Variants in UCK1 observed in about 807,000 individuals in gnomAD.
The protein encoded by UCK1 is uridine-cytidine kinase 1.
UCK1 carries 20 observed loss-of-function variants against 34.0 expected under a neutral mutation model. The observed-to-expected ratio is 0.59, with a 90% confidence interval of 0.41 to 0.86. The LOEUF (loss-of-function observed/expected upper bound fraction) is 0.86. UCK1 is among the 40% of genes least tolerant of loss of function. UCK1 has a pLI of 0.00. For synonymous variants in UCK1, 168 were observed against 155.9 expected (o/e 1.08, Z -0.58); for missense variants, 343 against 383.6 (o/e 0.89, Z 0.88).
Position 131,531,086 on chromosome 9 carries a change from C to G in UCK1, c.89G>C (p.Gly30Ala). 7.0e-7 allele frequency: 1 copy of G among 1,429,222 alleles called. No homozygotes were observed. The highest frequency in any genetic ancestry group is 9.1e-7 in the Non-Finnish European group (1 of 1,093,788). The allele number at this position is 1,429,222 out of a possible 1,614,324, so 88.5% of individuals were successfully genotyped here. A position where few individuals can be genotyped will look rare whatever the true frequency, so the allele number is the denominator to read the frequency against. The change falls in exon 1 of 7, where the codon GGC (glycine) becomes GCC (alanine). Residue 30 changes from glycine to alanine, a missense_variant. Gly to Ala is a moderately conservative substitution (Grantham distance 60). Transcript: ENST00000372215. Reference sequence around the variant, plus strand: ...CCTTACCTTCCCGCTGGCAGTGCCGCCGCTCACCCCTATCAGGAAGGGCCG... The same window carrying G: ...CCTTACCTTCCCGCTGGCAGTGCCGGCGCTCACCCCTATCAGGAAGGGCCG... ...HQRPFLIGVSGGTASGKSTVC... is the reference protein window; with the variant it reads ...HQRPFLIGVSAGTASGKSTVC...
Position 131,530,537 on chromosome 9 carries a change from C to T in UCK1, c.217G>A (p.Ala73Thr). Residue 73 changes from alanine to threonine, a missense_variant, in exon 2 of 7, where the codon GCA (alanine) becomes ACA (threonine). Ala to Thr is a moderately conservative substitution (Grantham distance 58). Transcript: ENST00000372215. ...SQDRFYKVLT[A>T]EQKAKALKGQ... The stretch of plus-strand genomic sequence containing the variant: ...TTCAAGGCCTTGGCCTTCTGCTCTG[C>T]CGTCAGGACCTTGTAGAACCTGTCC... 6.2e-7 allele frequency: 1 copy of T among 1,614,276 alleles called. No individual in the cohort carries two copies. Among genetic ancestry groups the T allele is most frequent in the South Asian group, 1.1e-5 (1 of 91,088 alleles).
At chr9:131,528,904 G>A (rs1331299660) in intron 5 of UCK1, 40 bp downstream of exon 5, 2 of 1,609,198 alleles carry the variant, frequency 1.2e-6, no homozygotes, top group South Asian at 1.1e-5. Context: ...GTGTCCTTGT[G>A]AAAGGGGAAA....
Position 131,529,547 on chromosome 9 carries a change from C to T in UCK1, c.306G>A (p.Lys102=), listed in dbSNP as rs1271840295. 2 of 1,614,080 alleles carry T rather than the reference C, an allele frequency of 1.2e-6. No individual in the cohort carries two copies. Among genetic ancestry groups the T allele is most frequent in the African/African-American group, 2.7e-5 (2 of 74,924 alleles). The stretch of plus-strand genomic sequence containing the variant: ...CCACCGTTTTGCCCTCCACGATGTT[C>T]TTCAGAGTCCTGTGCATCAAATCAT... ...FDNDLMHRTL[K]NIVEGKTVEV... The change falls in exon 3 of 7, where the codon AAG becomes AAA. Residue 102 remains lysine (K), a synonymous_variant. Transcript: ENST00000372215.
At chr9:131,529,929 C>T (rs1265430997) in intron 2 of UCK1, among the ~76,000 whole-genome samples, 3 of 152,224 alleles carry the variant, frequency 2.0e-5, no homozygotes, top group African/African-American at 2.4e-5. Context: ...GGTTAGACTG[C>T]GGCTTTGCAG....
rs547129727 is a variant in UCK1, at chr9:131,529,261, C to A, written c.375G>T (p.Glu125Asp). The change falls in exon 4 of 7, where the codon GAG becomes GAT. Residue 125 changes from glutamate (E) to aspartate (D), a missense_variant. By Grantham distance (45) the Glu-to-Asp change is conservative (BLOSUM62 2). Coordinates refer to ENST00000372215, the MANE Select transcript of UCK1 (RefSeq NM_031432.5). ...YDFVTHSRLPETTVVYPADVV... is the reference protein window; with the variant it reads ...YDFVTHSRLPDTTVVYPADVV... ...CGTCCGCAGGGTAGACCACCGTGGTCTCTGGTAACCTGAGGGGCGCACGGG... is the reference window on the plus strand; with the variant it reads ...CGTCCGCAGGGTAGACCACCGTGGTATCTGGTAACCTGAGGGGCGCACGGG... 2 of 1,614,168 alleles carry A rather than the reference C, an allele frequency of 1.2e-6. No individual in the cohort carries two copies. The highest frequency in any genetic ancestry group is 1.7e-4 in the Middle Eastern group (1 of 6,052).
chr9:131,525,326 T>C, intron 6 of UCK1, 105 bp from the exon 7 acceptor site: 6 of 1,427,448 alleles, frequency 4.2e-6, no homozygotes, highest in Non-Finnish European at 4.8e-6. Flanking sequence ...ACCTCTGCCC[T>C]GAGGCACAGC....
In UCK1 at chr9:131,525,962, C is replaced by G; in HGVS notation, c.619G>C (p.Asp207His). ...EFCLPTKKYADVIIPRGVDNM... is the reference protein window; with the variant it reads ...EFCLPTKKYAHVIIPRGVDNM... The stretch of plus-strand genomic sequence containing the variant: ...TCCACTCCTCGCGGGATGATCACAT[C>G]GGCATACTTCTTTGTCTGTAAGGCA... The change falls in exon 6 of 7, where the codon GAT (aspartate) becomes CAT (histidine). Residue 207 changes from aspartate to histidine, a missense_variant. Coordinates refer to ENST00000372215, the MANE Select transcript of UCK1 (RefSeq NM_031432.5). 6.2e-7 allele frequency: 1 copy of G among 1,614,062 alleles called. No homozygotes were observed. The highest frequency in any genetic ancestry group is 8.5e-7 in the Non-Finnish European group (1 of 1,179,998).
rs563617225 is a variant in UCK1 at position 131,529,514 on chromosome 9, C to G, written c.339G>C (p.Pro113=). The change falls in exon 3 of 7, where the codon CCG becomes CCC. Residue 113 remains proline (P), a synonymous_variant. Transcript: ENST00000372215. ...NIVEGKTVEV[P]TYDFVTHSRL... is the part of the protein sequence containing the mutation. ...TTGAGTGTGTCACAAAATCATAGGT[C>G]GGCACCTCCACCGTTTTGCCCTCCA... The G allele has an allele frequency of 1.9e-6, 3 of 1,614,046 alleles. No individual in the cohort carries two copies. The Admixed American group carries it at 5.0e-5, about 27-fold the overall frequency.
chr9:131,528,076 A>G lies in UCK1; in HGVS notation c.603+868T>C, dbSNP rs1950676751. Among the ~76,000 whole-genome samples the G allele has an allele frequency of 3.9e-5, 6 of 152,210 alleles. 1 individual carries two copies. In the South Asian group the frequency reaches 1.2e-3, roughly 32 times the overall value. ...GTAATCCCAGCTACTCGGAAGGGTGAGACAGGAGAATTGCTTAAACTTGGG... is the reference window on the plus strand; with the variant it reads ...GTAATCCCAGCTACTCGGAAGGGTGGGACAGGAGAATTGCTTAAACTTGGG... On this transcript the variant is annotated intron_variant, in intron 5 of 6. Transcript: ENST00000372215.
At chr9:131,525,366 A>G (rs1950555587) in intron 6 of UCK1, 145 bp from the exon 7 acceptor site, 2 of 939,000 alleles carry the variant, frequency 2.1e-6, no homozygotes, top group African/African-American at 1.7e-5. Flanking sequence ...GTCAAATCTC[A>G]GCAGACAGAA....
At chr9:131,525,594 T>C (rs1411896623) in intron 6 of UCK1, among the ~76,000 whole-genome samples, 2 of 152,112 alleles carry the variant, frequency 1.3e-5, no homozygotes, top group African/African-American at 2.4e-5. Flanking sequence ...TCCTCCCACC[T>C]CAGCCTCCTG....
intron 5 of UCK1, 120 bp from the exon 6 acceptor site, chr9:131,526,097 G>A: frequency 2.6e-6 from 3 of 1,138,732 alleles, no homozygotes; most frequent in South Asian, 1.3e-5. Context: ...AGGTGCTGGT[G>A]TCATCGGCAA....
Position 131,523,811 on chromosome 9 carries a change from G to GTGTT in UCK1, c.*1225_*1228dup, listed in dbSNP as rs1207499859. ...AGGAACCAACTGGCGTTTGTAGTTGGTGTTTGTTATTTATTGATTCTCCCT... is the reference window on the plus strand; with the variant it reads ...AGGAACCAACTGGCGTTTGTAGTTGGTGTTTGTTTGTTATTTATTGATTCTCCCT... On this transcript the variant is annotated 3_prime_UTR_variant, in exon 7 of 7. Transcript: ENST00000372215. 2 of 153,060 alleles carry GTGTT rather than the reference G, an allele frequency of 1.3e-5. No homozygotes were observed. The highest frequency in any genetic ancestry group is 2.9e-5 in the Non-Finnish European group (2 of 68,696). The allele number at this position is 153,060 out of a possible 1,614,324, so 9.5% of individuals were successfully genotyped here.
chr9:131,526,709 G>C (rs1384311638), intron 5 of UCK1, among the ~76,000 whole-genome samples: 4 of 152,226 alleles, frequency 2.6e-5, no homozygotes, highest in Non-Finnish European at 5.9e-5. Flanking sequence ...TGCTGCTGGC[G>C]TGTGGATTTG....
chr9:131,527,039 C>G (rs1179324740), intron 5 of UCK1, among the ~76,000 whole-genome samples: 1 of 151,024 alleles, frequency 6.6e-6, no homozygotes, highest in South Asian at 2.1e-4. Flanking sequence ...GGGCTGGGGC[C>G]GGGTGCGGTG....
chr9:131,530,807 G>T, intron 1 of UCK1, 162 bp from the exon 2 acceptor site: 1 of 1,311,424 alleles, frequency 7.6e-7, no homozygotes, highest in Non-Finnish European at 1.1e-6. Context: ...GGCCGCGGGG[G>T]CCCAACGGGG....
Position 131,525,218 on chromosome 9 carries a change from G to C in UCK1, c.656C>G (p.Ala219Gly). ...GATGTGCTGCACGATCAGGTTGATG[G>C]CAACTGCGCCAAGAGACAGACAAGC... ...IIPRGVDNMV[A>G]INLIVQHIQD... The change falls in exon 7 of 7, where the codon GCC becomes GGC. Residue 219 changes from alanine to glycine, a missense_variant. Transcript: ENST00000372215. 6.2e-7 allele frequency: 1 copy of C among 1,613,704 alleles called. No homozygotes were observed. Among genetic ancestry groups the C allele is most frequent in the South Asian group, 1.1e-5 (1 of 91,072 alleles).
rs1435029850 is a variant in UCK1 at position 131,523,821 on chromosome 9, T to TTTA, written c.*1216_*1218dup. The TTTA allele has an allele frequency of 1.3e-5, 2 of 153,060 alleles. No homozygotes were observed. Among genetic ancestry groups the TTTA allele is most frequent in the Admixed American group, 6.5e-5 (1 of 15,410 alleles). 9.5% of individuals were successfully genotyped at this position (153,060 alleles called of 1,614,324 possible). A position where few individuals can be genotyped will look rare whatever the true frequency, so the allele number is the denominator to read the frequency against. ...TGGCGTTTGTAGTTGGTGTTTGTTA[T>TTTA]TTATTGATTCTCCCTCCAAAGGGGC... On this transcript the variant is annotated 3_prime_UTR_variant, in exon 7 of 7. Coordinates refer to ENST00000372215, the MANE Select transcript of UCK1 (RefSeq NM_031432.5).
intron 2 of UCK1, 121 bp from the exon 3 acceptor site, chr9:131,529,705 G>T: frequency 1.2e-6 from 1 of 804,202 alleles, no homozygotes; most frequent in Admixed American, 2.1e-5. Flanking sequence ...CCCTAGCACA[G>T]GTAGACTAGG....
Sources: gnomAD v4.1 joint callset for allele counts (sites outside exome capture counted in the v4.1 genomes callset) on GRCh38, gnomAD v4.1.1 for gene constraint, MANE v1.5 for transcripts, NCBI Gene and HGNC (gene_info 2026-07-23, HGNC 2026-07-21) for gene names.